CHMP3: variants seen among roughly 807,000 people sequenced by gnomAD.
CHMP3 encodes charged multivesicular body protein 3.
CHMP3 carries 8 observed loss-of-function variants against 27.4 expected under a neutral mutation model. The observed-to-expected ratio is 0.29, with a 90% CI of 0.17 to 0.53. The LOEUF is 0.53. Among genes scored for constraint, CHMP3 ranks in the 20% least tolerant of loss-of-function variants. The pLI, the probability that CHMP3 is intolerant of heterozygous loss-of-function variation, is 0.96. For synonymous variants in CHMP3, 86 were observed against 85.5 expected (o/e 1.01, Z -0.03); for missense variants, 208 against 271.5 (o/e 0.77, Z 1.64).
intron 2 of CHMP3, among the ~76,000 whole-genome samples, chr2:86,541,519 CAG>C: frequency 6.6e-6 from 1 of 152,004 alleles, no homozygotes; most frequent in East Asian, 1.9e-4. Flanking sequence ...GGCTATAATC[CAG>C]AAAGTATCTC....
intron 1 of CHMP3, among the ~76,000 whole-genome samples, chr2:86,561,422 C>T (rs535321436): frequency 1.2e-4 from 19 of 152,158 alleles, no homozygotes; most frequent in Non-Finnish European, 2.6e-4. Context: ...TCTTGCTACT[C>T]AAGTGTAGAC....
At chr2:86,559,806 G>T (rs995252250) in intron 1 of CHMP3, among the ~76,000 whole-genome samples, 72 of 152,286 alleles carry the variant, frequency 4.7e-4, no homozygotes, top group African/African-American at 1.7e-3. Context: ...CCATTCATAG[G>T]CAGGAAGAGG....
intron 1 of CHMP3, among the ~76,000 whole-genome samples, chr2:86,550,671 T>TAC (rs1305006578): frequency 1.3e-5 from 2 of 152,200 alleles, no homozygotes; most frequent in Non-Finnish European, 2.9e-5. Context: ...CTCAATATTG[T>TAC]ACAGTCAGCC....
At chr2:86,543,021 T>C (rs1676424776) in intron 1 of CHMP3, among the ~76,000 whole-genome samples, 1 of 152,242 alleles carries the variant, frequency 6.6e-6, no homozygotes, top group South Asian at 2.1e-4. Context: ...TGCTTTTTAG[T>C]ACATGACTCA....
At chr2:86,553,258 A>T (rs1238825558) in intron 1 of CHMP3, among the ~76,000 whole-genome samples, 1 of 152,112 alleles carries the variant, frequency 6.6e-6, no homozygotes, top group Non-Finnish European at 1.5e-5. Context: ...AACAAGGAAC[A>T]TTCTACAAAA....
chr2:86,511,304 G>A (rs1303887449), intron 3 of CHMP3: 1 of 152,180 alleles, frequency 6.6e-6, no homozygotes, highest in African/African-American at 2.4e-5. Flanking sequence ...GGGAAAACAA[G>A]AGTGACCAGA....
intron 1 of CHMP3, among the ~76,000 whole-genome samples, chr2:86,544,588 C>T (rs969541228): frequency 8.5e-5 from 13 of 152,160 alleles, no homozygotes; most frequent in Non-Finnish European, 1.5e-4. Flanking sequence ...TAACAAAGCA[C>T]ATCTTGCACC....
intron 2 of CHMP3, 71 bp downstream of exon 2, chr2:86,542,181 G>A: frequency 6.7e-7 from 1 of 1,482,716 alleles, no homozygotes; most frequent in Non-Finnish European, 9.4e-7. Flanking sequence ...TATAAATGCA[G>A]TTTATTTTTA....
intron 4 of CHMP3, among the ~76,000 whole-genome samples, chr2:86,509,570 T>C (rs1367131970): frequency 6.6e-6 from 1 of 152,230 alleles, no homozygotes; most frequent in Non-Finnish European, 1.5e-5. Context: ...CTCTTGGTTG[T>C]CAGCCACAGG....
At chr2:86,562,803 G>A (rs1480511556) in intron 1 of CHMP3, 1 of 153,376 alleles carries the variant, frequency 6.5e-6, no homozygotes, top group Admixed American at 6.5e-5. Flanking sequence ...TCAACACAAG[G>A]GCTGGGGAAA....
At chr2:86,557,957 G>A (rs183205842) in intron 1 of CHMP3, among the ~76,000 whole-genome samples, 2 of 152,184 alleles carry the variant, frequency 1.3e-5, no homozygotes, top group East Asian at 3.9e-4. Flanking sequence ...AAAATCACTC[G>A]ATATTTGTTG....
intron 2 of CHMP3, among the ~76,000 whole-genome samples, chr2:86,531,909 T>C (rs1432586114): frequency 6.6e-6 from 1 of 152,226 alleles, no homozygotes; most frequent in African/African-American, 2.4e-5. Context: ...AACTTTCTTT[T>C]TTTAAGACTA....
chr2:86,513,841 C>T (rs1468697631), intron 3 of CHMP3, among the ~76,000 whole-genome samples: 2 of 152,186 alleles, frequency 1.3e-5, no homozygotes, highest in Non-Finnish European at 2.9e-5. Flanking sequence ...TGCCAGAGAG[C>T]CGTTGGGCTT....
intron 1 of CHMP3, among the ~76,000 whole-genome samples, chr2:86,549,304 G>GCTCCTCACTTCCCAGACAGGGCGGCCA (rs1676769022): frequency 6.9e-6 from 1 of 144,172 alleles, no homozygotes; most frequent in Non-Finnish European, 1.5e-5. Flanking sequence ...CGGGGCGGCC[G>GCTCCTCACTTCCCAGACAGGGCGGCCA]GGCAGAGGCA....
Position 86,505,873 on chromosome 2 carries a change from T to G in CHMP3, c.600A>C (p.Ser200=). The G allele has an allele frequency of 6.2e-7, 1 of 1,603,492 alleles. No homozygotes were observed. Among genetic ancestry groups the G allele is most frequent in the South Asian group, 1.1e-5 (1 of 89,158 alleles). Residue 200 remains serine (S), a synonymous_variant, in exon 6 of 6, where the codon TCA becomes TCC. Coordinates refer to ENST00000263856, the MANE Select transcript of CHMP3 (RefSeq NM_016079.4). ...EPEPPGAMAA[S]EDEEEEEEAL... is the part of the protein sequence containing the mutation. The stretch of plus-strand genomic sequence containing the variant: ...CCTCTTCCTCCTCCTCCTCATCCTC[T>G]GAGGCAGCCATCGCTCCTGGAGGTT...
intron 1 of CHMP3, among the ~76,000 whole-genome samples, chr2:86,542,578 C>T (rs566628692): frequency 9.2e-5 from 14 of 152,184 alleles, no homozygotes; most frequent in Admixed American, 3.3e-4. Flanking sequence ...GGAAAGAGTA[C>T]GGTACTGTCT....
At chr2:86,550,201 C>T (rs1011133920) in intron 1 of CHMP3, among the ~76,000 whole-genome samples, 27 of 152,222 alleles carry the variant, frequency 1.8e-4, no homozygotes, top group Non-Finnish European at 2.6e-4. Context: ...CAGGGCAAAA[C>T]CCCGTCTCCT....
intron 2 of CHMP3, among the ~76,000 whole-genome samples, chr2:86,539,227 T>C (rs1474475806): frequency 6.6e-6 from 1 of 152,174 alleles, no homozygotes; most frequent in East Asian, 1.9e-4. Context: ...TACTTCATAG[T>C]CACACTTTAT....
At chr2:86,520,744 C>T (rs780000193) in intron 3 of CHMP3, among the ~76,000 whole-genome samples, 12 of 152,130 alleles carry the variant, frequency 7.9e-5, no homozygotes, top group African/African-American at 1.2e-4. Context: ...CAGAACAAAA[C>T]AAAACAAAAG....
Sources: allele counts gnomAD v4.1 joint callset (sites outside exome capture counted in the v4.1 genomes callset), GRCh38; gene constraint gnomAD v4.1.1; transcripts MANE v1.5; gene names NCBI Gene and HGNC (gene_info 2026-07-23, HGNC 2026-07-21).